The following FRMPD1 variants were observed in gnomAD, a reference collection of about 807,000 sequenced individuals.
FRMPD1 encodes FERM and PDZ domain containing 1, also known as FERM and PDZ domain-containing protein 1.
Under a neutral mutation model 117.8 loss-of-function variants are expected in FRMPD1, and 76 were observed. That is an observed-to-expected ratio of 0.65 (90% CI 0.54 to 0.78). FRMPD1 has a LOEUF of 0.78. Ranked by LOEUF, FRMPD1 falls within the 30% of genes least tolerant of loss-of-function variation. The pLI, the probability that FRMPD1 is intolerant of heterozygous loss-of-function variation, is 0.00. For synonymous variants in FRMPD1, 783 were observed against 770.4 expected (o/e 1.02, Z -0.27); for missense variants, 1,786 against 1,964.5 (o/e 0.91, Z 1.72).
rs138800035 is a variant in FRMPD1 at position 37,741,613 on chromosome 9, C to T, written c.2356+729C>T. 4.6e-5 allele frequency among the ~76,000 whole-genome samples: 7 copies of T among 152,336 alleles called. No homozygotes were observed. The East Asian group carries it at 1.4e-3, about 29-fold the overall frequency. ...CACTTTCCTGCTGCTCTCTGATCCT[C>T]TATTCCCAGACCTCCTGTGCTCTCC... On this transcript the variant is annotated intron_variant, in intron 15 of 15. Coordinates refer to ENST00000377765, the MANE Select transcript of FRMPD1 (RefSeq NM_014907.3).
At chr9:37,720,402 C>A (rs923100624) in intron 6 of FRMPD1, among the ~76,000 whole-genome samples, 1 of 152,182 alleles carries the variant, frequency 6.6e-6, no homozygotes, top group Non-Finnish European at 1.5e-5. Context: ...CGGTGGCTCA[C>A]GCCTGTAATC....
chr9:37,713,207 G>A (rs1207104657), intron 5 of FRMPD1, among the ~76,000 whole-genome samples: 1 of 152,186 alleles, frequency 6.6e-6, no homozygotes, highest in African/African-American at 2.4e-5. Context: ...TGATAGGCAG[G>A]TTTAAAAACG....
chr9:37,739,239 CTG>C (rs1236188961), intron 14 of FRMPD1, among the ~76,000 whole-genome samples: 1 of 152,112 alleles, frequency 6.6e-6, no homozygotes, highest in Non-Finnish European at 1.5e-5. Flanking sequence ...GAGGACTAGA[CTG>C]TGCATGAGGC....
intron 1 of FRMPD1, among the ~76,000 whole-genome samples, chr9:37,662,805 A>G (rs956523846): frequency 1.3e-5 from 2 of 152,204 alleles, no homozygotes; most frequent in Admixed American, 1.3e-4. Flanking sequence ...AGTCTTCAGA[A>G]TAGATTGACC....
chr9:37,623,960 G>T, the FRMPD1 span, among the ~76,000 whole-genome samples: 1 of 152,200 alleles, frequency 6.6e-6, no homozygotes, highest in Admixed American at 6.5e-5. Flanking sequence ...TGCAGATTAG[G>T]GTGATGTGGG....
Position 37,735,682 on chromosome 9 carries a change from C to T in FRMPD1, c.1349C>T (p.Thr450Met), listed in dbSNP as rs768600743. Residue 450 changes from threonine to methionine, a missense_variant, in exon 13 of 16, where the codon ACG becomes ATG. Physicochemically the swap from Thr to Met is moderately conservative, Grantham distance 81. Transcript: ENST00000377765. ...GCAAACATCAGCCGTGTAGAGCTAA[C>T]GGAAGAGTCTGAGAAAGTGAGCGTC... ...EFANISRVEL[T>M]EESEKVSVVK... 8.7e-6 allele frequency: 14 copies of T among 1,613,452 alleles called. No homozygotes were observed. The highest frequency in any genetic ancestry group is 5.4e-5 in the African/African-American group (4 of 74,730).
the FRMPD1 span, among the ~76,000 whole-genome samples, chr9:37,607,675 A>G: frequency 4.6e-3 from 706 of 152,328 alleles, 6 homozygotes; most frequent in African/African-American, 0.016. Context: ...GAGGATTCTT[A>G]ATAGGTAGTT....
At chr9:37,644,994 G>T in the FRMPD1 span, among the ~76,000 whole-genome samples, 1 of 151,918 alleles carries the variant, frequency 6.6e-6, no homozygotes, top group Non-Finnish European at 1.5e-5. Flanking sequence ...ATGGGAAGTG[G>T]CCAGATGTAG....
rs1173986965 is a variant in FRMPD1, at chr9:37,737,099, C to A, written c.1405C>A (p.Leu469Met). Residue 469 changes from leucine (L) to methionine (M), a missense_variant, in exon 14 of 16, where the codon CTG (leucine) becomes ATG (methionine). Transcript: ENST00000377765. ...VKVYLQDVKV[L>M]TLLLESNSAK... ...AGATTTCTATTTGCTTTCAAAGGTT[C>A]TGACTTTGCTGCTGGAATCCAACAG... is the stretch of plus-strand genomic sequence containing the variant. 6.2e-7 allele frequency: 1 copy of A among 1,611,736 alleles called. No individual in the cohort carries two copies. The highest frequency in any genetic ancestry group is 1.1e-5 in the South Asian group (1 of 90,976).
chr9:37,645,100 G>GA, the FRMPD1 span, among the ~76,000 whole-genome samples: 19,539 of 119,320 alleles, frequency 0.16, 1,641 homozygotes, highest in East Asian at 0.46. Flanking sequence ...TGAGCCAGCA[G>GA]AAAAAAAAAA....
chr9:37,745,866 A>T lies in FRMPD1; in HGVS notation c.3834A>T (p.Ser1278=), dbSNP rs548965665. The T allele has an allele frequency of 1.2e-6, 2 of 1,614,212 alleles. No individual in the cohort carries two copies. The highest frequency in any genetic ancestry group is 2.2e-5 in the East Asian group (1 of 44,884). Residue 1278 remains serine (S), a synonymous_variant, in exon 16 of 16, where the codon TCA becomes TCT. Coordinates refer to ENST00000377765, the MANE Select transcript of FRMPD1 (RefSeq NM_014907.3). ...HLETSNHCLL[S]EGKSDSSSIC... Reference sequence around the variant, plus strand: ...AAACTTCAAACCATTGCTTACTCTCAGAAGGCAAAAGTGACAGCTCTAGCA... The same window carrying T: ...AAACTTCAAACCATTGCTTACTCTCTGAAGGCAAAAGTGACAGCTCTAGCA...
intron 7 of FRMPD1, 54 bp from the exon 8 acceptor site, chr9:37,729,674 A>T: frequency 6.3e-7 from 1 of 1,580,434 alleles, no homozygotes; most frequent in South Asian, 1.1e-5. Flanking sequence ...CAGGAAGGCC[A>T]GGGAAGTCCT....
intron 1 of FRMPD1, among the ~76,000 whole-genome samples, chr9:37,688,581 T>A (rs1822028170): frequency 6.6e-6 from 1 of 152,066 alleles, no homozygotes; most frequent in South Asian, 2.1e-4. Flanking sequence ...GAAGTAGCCA[T>A]TTGCCATGAA....
the FRMPD1 span, among the ~76,000 whole-genome samples, chr9:37,620,129 C>T: frequency 6.6e-6 from 1 of 152,112 alleles, no homozygotes; most frequent in Non-Finnish European, 1.5e-5. Context: ...GTCAAGGTGG[C>T]TCTTAAAAAC....
intron 1 of FRMPD1, among the ~76,000 whole-genome samples, chr9:37,675,956 A>G (rs573918303): frequency 6.6e-6 from 1 of 152,176 alleles, no homozygotes; most frequent in Non-Finnish European, 1.5e-5. Flanking sequence ...CTTCTGAGAG[A>G]TCATCTCTCT....
chr9:37,738,982 G>T (rs1824257817), intron 14 of FRMPD1, among the ~76,000 whole-genome samples: 1 of 152,144 alleles, frequency 6.6e-6, no homozygotes, highest in Non-Finnish European at 1.5e-5. Context: ...GCCTGAGGAG[G>T]GGCTGGACCA....
chr9:37,714,739 T>C (rs1283830191), intron 5 of FRMPD1, among the ~76,000 whole-genome samples: 2 of 151,928 alleles, frequency 1.3e-5, no homozygotes, highest in African/African-American at 4.8e-5. Context: ...CTCCGCCTCC[T>C]GGGTTCAAGC....
At position 37,745,439 on chromosome 9, in the gene FRMPD1, C is replaced by A. The variant is rs773713072; in HGVS notation, c.3407C>A (p.Ser1136Tyr). The change falls in exon 16 of 16, where the codon TCC becomes TAC. Residue 1136 changes from serine (S) to tyrosine (Y), a missense_variant. Transcript: ENST00000377765. ...GAGTCTAGGAAGGATTCAGGTGACT[C>A]CCCGGGTGATGTGTCAAATAATGTT... ...QEESRKDSGD[S>Y]PGDVSNNVSQ... 1 of 1,613,662 alleles carries A rather than the reference C, an allele frequency of 6.2e-7. No individual in the cohort carries two copies. The highest frequency in any genetic ancestry group is 8.5e-7 in the Non-Finnish European group (1 of 1,179,566).
chr9:37,694,647 G>A (rs1402375684), intron 2 of FRMPD1, among the ~76,000 whole-genome samples: 3 of 151,972 alleles, frequency 2.0e-5, no homozygotes, highest in Non-Finnish European at 2.9e-5. Context: ...CTTCTGCCTC[G>A]TGTCTCAGCC....
Sources: allele counts gnomAD v4.1 joint callset (sites outside exome capture counted in the v4.1 genomes callset), GRCh38; gene constraint gnomAD v4.1.1; transcripts MANE v1.5; gene names NCBI Gene and HGNC (gene_info 2026-07-23, HGNC 2026-07-21).